COL6A2: variants seen among roughly 807,000 people sequenced by gnomAD.
The protein encoded by COL6A2 is collagen alpha-2(VI) chain.
Under a neutral mutation model 124.9 loss-of-function variants are expected in COL6A2, and 90 were observed. The observed-to-expected ratio is 0.72, with a 90% CI of 0.61 to 0.86. COL6A2 has a LOEUF of 0.86. COL6A2 is among the 40% of genes least tolerant of loss of function. The pLI is 0.00. For missense variants in COL6A2, 1,607 were observed against 1,502.5 expected, an observed-to-expected ratio of 1.07 and a Z score of -1.15; for synonymous variants, 793 against 618.2, an observed-to-expected ratio of 1.28 and a Z score of -4.19.
At chr21:46,122,988 G>A in intron 21 of COL6A2, 51 bp downstream of exon 21, 6 of 1,557,694 alleles carry the variant, frequency 3.9e-6, no homozygotes, top group Non-Finnish European at 5.3e-6. Context: ...GGCAGGGAGG[G>A]GCCCTGAGGC....
At chr21:46,123,121 C>T (rs1196613130) in intron 21 of COL6A2, among the ~76,000 whole-genome samples, 184 bp downstream of exon 21, 6 of 150,616 alleles carry the variant, frequency 4.0e-5, no homozygotes, top group Admixed American at 6.6e-5. Context: ...CCCAGCCTCC[C>T]TTCCAGCGTC....
Position 46,112,673 on chromosome 21 carries a change from G to C in COL6A2, c.714+96G>C. 4 of 1,593,606 alleles carry C rather than the reference G, an allele frequency of 2.5e-6. No homozygotes were observed. In the South Asian group the frequency reaches 4.4e-5, roughly 18 times the overall value. On this transcript the variant is annotated intron_variant, in intron 3 of 27. Transcript: ENST00000300527. ...CTCACTTTACCCCTCTGTGAGTGCG[G>C]AGGCCGAAGGAGGAAGCTCCGGGCA...
Position 46,126,213 on chromosome 21 carries a change from G to A in COL6A2, c.2398G>A (p.Asp800Asn), listed in dbSNP as rs758150946. The A allele has an allele frequency of 6.2e-7, 1 of 1,600,746 alleles. No individual in the cohort carries two copies. Among genetic ancestry groups the A allele is most frequent in the South Asian group, 1.1e-5 (1 of 91,056 alleles). The change falls in exon 26 of 28, where the codon GAC becomes AAC. Residue 800 changes from aspartate (D) to asparagine (N), a missense_variant. By Grantham distance (23) the Asp-to-Asn change is conservative (BLOSUM62 1). This residue lies in a region of COL6A2 where 1,223 missense variants were observed against 1,052.2 expected (regional missense o/e 1.16). Transcript: ENST00000300527. ...SDLVAEKFIDDMEDVLCPDPQ... is the reference protein window; with the variant it reads ...SDLVAEKFIDNMEDVLCPDPQ... ...CCTGGTCGCTGAGAAGTTCATCGAT[G>A]ACATGGAGGACGTCCTCTGCCCGGG... is the stretch of plus-strand genomic sequence containing the variant.
Position 46,132,253 on chromosome 21 carries a change from G to A in COL6A2, c.2761G>A (p.Val921Met), listed in dbSNP as rs398123650. 7.8e-5 allele frequency: 126 copies of A among 1,605,522 alleles called. No individual in the cohort carries two copies. Among genetic ancestry groups the A allele is most frequent in the African/African-American group, 5.9e-4 (44 of 74,892 alleles). The change falls in exon 28 of 28, where the codon GTG becomes ATG. Residue 921 changes from valine to methionine, a missense_variant. By Grantham distance (21) the Val-to-Met change is conservative. This residue lies in a region of COL6A2 where 1,223 missense variants were observed against 1,052.2 expected (regional missense o/e 1.16). Transcript: ENST00000300527. The stretch of plus-strand genomic sequence containing the variant: ...CTCCTTCTCGCACGTGGGCGCAGGC[G>A]TGGTGCACGCCATCAATGCCATCGT... ...LNSFSHVGAG[V>M]VHAINAIVRS...
chr21:46,111,395 G>C, intron 1 of COL6A2, 55 bp from the exon 2 acceptor site: 2 of 997,984 alleles, frequency 2.0e-6, no homozygotes, highest in South Asian at 1.3e-5. Flanking sequence ...CCATGGGGGA[G>C]GGTGCCAGGG....
intron 27 of COL6A2, chr21:46,129,087 G>C: frequency 6.2e-7 from 1 of 1,601,264 alleles, no homozygotes; most frequent in Admixed American, 1.7e-5. Flanking sequence ...CGACTCGCCA[G>C]CCCAAATGCC....
intron 27 of COL6A2, among the ~76,000 whole-genome samples, chr21:46,127,332 C>G (rs1484154470): frequency 6.6e-6 from 1 of 152,112 alleles, no homozygotes; most frequent in Non-Finnish European, 1.5e-5. Flanking sequence ...TCGCGGTGTG[C>G]GTTCGGGCGT....
chr21:46,126,683 G>C, intron 27 of COL6A2, 142 bp downstream of exon 27: 1 of 1,010,368 alleles, frequency 9.9e-7, no homozygotes, highest in East Asian at 2.6e-5. Context: ...TCCTTAGGGA[G>C]ATGGCCCCAG....
chr21:46,131,815 G>A, intron 27 of COL6A2, 139 bp from the exon 28 acceptor site: 1 of 817,848 alleles, frequency 1.2e-6, no homozygotes, highest in Non-Finnish European at 2.0e-6. Flanking sequence ...GGGCTGCCCT[G>A]CAGAAACGCC....
intron 4 of COL6A2, chr21:46,113,805 C>A: frequency 1.5e-6 from 1 of 649,146 alleles, no homozygotes; most frequent in Non-Finnish European, 2.8e-6. Context: ...GAGAGCCAAA[C>A]TCTTTGGCTT....
At chr21:46,118,027 A>G in intron 12 of COL6A2, 91 bp downstream of exon 12, 1 of 1,276,412 alleles carries the variant, frequency 7.8e-7, no homozygotes, top group Non-Finnish European at 1.1e-6. Context: ...CTGAGCAGAG[A>G]GGGCCTTTCT....
rs2078666841 is a variant in COL6A2, at chr21:46,126,293, C to G, written c.2422+56C>G. 4.4e-6 allele frequency: 7 copies of G among 1,577,516 alleles called. No individual in the cohort carries two copies. In the South Asian group the frequency reaches 6.6e-5, roughly 15 times the overall value. On this transcript the variant is annotated intron_variant, in intron 26 of 27. Transcript: ENST00000300527. ...AGGAGCAGCAGGCCCCAGCCGCTGT[C>G]TAGCGTGAGCCCCAGGGACACCCCT...
chr21:46,105,827 A>T (rs1481121426), intron 1 of COL6A2, among the ~76,000 whole-genome samples: 1 of 152,224 alleles, frequency 6.6e-6, no homozygotes, highest in Non-Finnish European at 1.5e-5. Flanking sequence ...AAAATCCATA[A>T]GGTATACAGA....
At chr21:46,108,064 TTCTC>T (rs916099740) in intron 1 of COL6A2, among the ~76,000 whole-genome samples, 155 of 150,886 alleles carry the variant, frequency 1.0e-3, no homozygotes, top group African/African-American at 3.6e-3. Context: ...CTCCCCTCCT[TTCTC>T]TTTCTTTCTC....
intron 16 of COL6A2, 79 bp downstream of exon 16, chr21:46,120,656 GCCGGGACTGCACCCCAAGGTAGGGGAC>G: frequency 7.5e-7 from 1 of 1,335,362 alleles, no homozygotes; most frequent in Admixed American, 2.9e-5. Context: ...AGGTAGGGTG[GCCGGGACTGCACCCCAAGGTAGGGGAC>G]CCGGGTGGGT....
Position 46,129,216 on chromosome 21 carries a change from G to A in COL6A2, c.2461+2675G>A, listed in dbSNP as rs139665787. On this transcript the variant is annotated intron_variant, in intron 27 of 27. Coordinates refer to ENST00000300527, the MANE Select transcript of COL6A2 (RefSeq NM_001849.4). ...TGCAGATGCACCGTGGCCTGGCGGCGAGCCCCCGGTCACCTTCCTCCGCAC... is the reference window on the plus strand; with the variant it reads ...TGCAGATGCACCGTGGCCTGGCGGCAAGCCCCCGGTCACCTTCCTCCGCAC... 51 of 1,612,844 alleles carry A rather than the reference G, an allele frequency of 3.2e-5. No homozygotes were observed. In the African/African-American group the frequency reaches 3.5e-4, roughly 11 times the overall value.
Position 46,126,039 on chromosome 21 carries a change from C to A in COL6A2, c.2224C>A (p.Leu742Ile), listed in dbSNP as rs771256979. The change falls in exon 26 of 28, where the codon CTC becomes ATC. Residue 742 changes from leucine to isoleucine, a missense_variant. By Grantham distance (5) the Leu-to-Ile change is conservative. Around this residue, in one of 3 missense-constraint regions of COL6A2, gnomAD observed 1,223 missense variants for 1,052.2 expected, o/e 1.16. Transcript: ENST00000300527. ...GCGCCACGACCCTCGGGACGATGAC[C>A]TCAACTTGCGGGCGCTGTGCGACCG... ...DGRHDPRDDD[L>I]NLRALCDRDV... 1 of 1,613,094 alleles carries A rather than the reference C, an allele frequency of 6.2e-7. No individual in the cohort carries two copies. Among genetic ancestry groups the A allele is most frequent in the Non-Finnish European group, 8.5e-7 (1 of 1,179,992 alleles).
intron 17 of COL6A2, among the ~76,000 whole-genome samples, 199 bp from the exon 18 acceptor site, chr21:46,121,357 T>G (rs1168660495): frequency 6.6e-6 from 1 of 152,114 alleles, no homozygotes; most frequent in East Asian, 1.9e-4. Context: ...GGCAAGGCAG[T>G]GGGCCTGAGG....
Position 46,116,642 on chromosome 21 carries a change from C to T in COL6A2, c.928-9C>T, listed in dbSNP as rs200571090. 2.3e-4 allele frequency: 378 copies of T among 1,613,024 alleles called. 3 individuals are homozygous for T. The highest frequency in any genetic ancestry group is 1.5e-5 in the Non-Finnish European group (18 of 1,180,004). ...CCGAGCTCACTGCGCCGGCTTTCCT[C>T]CTACACAGGGTGAATTTGGAGCCGA... On this transcript the variant is annotated splice_polypyrimidine_tract_variant and intron_variant, in intron 8 of 27. Coordinates refer to ENST00000300527, the MANE Select transcript of COL6A2 (RefSeq NM_001849.4). The surrounding 1 kb of genome is among the most constrained non-coding windows in gnomAD (Gnocchi z 4.6).
Sources: allele counts gnomAD v4.1 joint callset (sites outside exome capture counted in the v4.1 genomes callset), GRCh38; gene constraint gnomAD v4.1.1; regional missense constraint gnomAD v4.1.1; non-coding constraint Gnocchi (gnomAD v3.1); transcripts MANE v1.5; gene names NCBI Gene and HGNC (gene_info 2026-07-23, HGNC 2026-07-21).